FUT9: variants seen among roughly 807,000 people sequenced by gnomAD.
The protein encoded by FUT9 is fucosyltransferase 9, also known as 4-galactosyl-N-acetylglucosaminide 3-alpha-L-fucosyltransferase 9.
A neutral mutation model predicts 29.7 loss-of-function variants in FUT9; 15 were observed. That is an observed-to-expected ratio of 0.51 (90% CI 0.34 to 0.78). FUT9 has a LOEUF of 0.78. Among genes scored for constraint, FUT9 ranks in the 30% least tolerant of loss-of-function variants. FUT9 has a pLI of 0.01. For synonymous variants in FUT9, 169 were observed against 153.7 expected, an observed-to-expected ratio of 1.10 and a Z score of -0.74; for missense variants, 319 against 425.4, an observed-to-expected ratio of 0.75 and a Z score of 2.20.
chr6:96,045,117 A>G (rs1188242986), intron 1 of FUT9, among the ~76,000 whole-genome samples: 1 of 152,194 alleles, frequency 6.6e-6, no homozygotes, highest in Non-Finnish European at 1.5e-5. Flanking sequence ...TGAATCCTTC[A>G]GCAGGACAAG....
chr6:96,044,795 TTTA>T (rs1471938658), intron 1 of FUT9, among the ~76,000 whole-genome samples: 10 of 152,198 alleles, frequency 6.6e-5, no homozygotes, highest in Admixed American at 6.5e-4. Flanking sequence ...TAAGTAATCT[TTTA>T]TTATGCTAGG....
chr6:96,117,861 T>C (rs921805112), intron 2 of FUT9, among the ~76,000 whole-genome samples: 2 of 152,206 alleles, frequency 1.3e-5, no homozygotes, highest in Admixed American at 1.3e-4. Flanking sequence ...ATTATTCACA[T>C]TTAAATTCAA....
intron 2 of FUT9, among the ~76,000 whole-genome samples, chr6:96,180,342 T>C (rs1229492724): frequency 2.6e-5 from 4 of 151,996 alleles, no homozygotes; most frequent in Admixed American, 2.6e-4. Context: ...TGCCCAAAAG[T>C]TTCACAGAGA....
At chr6:96,200,052 G>A (rs1470478132) in intron 2 of FUT9, among the ~76,000 whole-genome samples, 3 of 152,112 alleles carry the variant, frequency 2.0e-5, no homozygotes, top group African/African-American at 4.8e-5. Context: ...AAAGTATTTT[G>A]TGCCATTAAC....
At chr6:96,025,634 T>C (rs1582177439) in intron 1 of FUT9, among the ~76,000 whole-genome samples, 2 of 151,736 alleles carry the variant, frequency 1.3e-5, no homozygotes, top group Non-Finnish European at 3.0e-5. Flanking sequence ...ATATGTACTA[T>C]AAGTTTCAAG....
chr6:96,064,433 T>TGTGCATTGCATAGAATG, intron 1 of FUT9, among the ~76,000 whole-genome samples: 1 of 152,090 alleles, frequency 6.6e-6, no homozygotes, highest in African/African-American at 2.4e-5. Flanking sequence ...TGTGACTGAC[T>TGTGCATTGCATAGAATG]TGCAGGTGCA....
At chr6:96,025,797 T>A (rs1770157527) in intron 1 of FUT9, among the ~76,000 whole-genome samples, 1 of 151,678 alleles carries the variant, frequency 6.6e-6, no homozygotes, top group Non-Finnish European at 1.5e-5. Context: ...GGTCTGAGAT[T>A]TTTCTCTGCT....
At chr6:96,145,982 A>G (rs575051179) in intron 2 of FUT9, among the ~76,000 whole-genome samples, 6 of 152,198 alleles carry the variant, frequency 3.9e-5, no homozygotes, top group African/African-American at 1.4e-4. Context: ...CTTCCCAAGT[A>G]TCTGGGACTA....
At chr6:96,136,466 A>G (rs1168144532) in intron 2 of FUT9, among the ~76,000 whole-genome samples, 1 of 152,016 alleles carries the variant, frequency 6.6e-6, no homozygotes, top group East Asian at 1.9e-4. Flanking sequence ...CATTATGCTT[A>G]GGTCAGATAT....
chr6:96,089,891 C>T (rs968587124), intron 1 of FUT9, among the ~76,000 whole-genome samples: 7 of 151,960 alleles, frequency 4.6e-5, no homozygotes, highest in African/African-American at 1.4e-4. Context: ...TGTATAATGA[C>T]GAATATTTGG....
intron 2 of FUT9, among the ~76,000 whole-genome samples, chr6:96,178,723 A>C (rs11156265): frequency 0.15 from 22,372 of 152,036 alleles, 1,824 homozygotes; most frequent in Non-Finnish European, 0.18. Flanking sequence ...TTTCTTTTTA[A>C]CTGAAATATA....
chr6:96,140,550 A>G (rs974783323), intron 2 of FUT9, among the ~76,000 whole-genome samples: 4 of 152,340 alleles, frequency 2.6e-5, no homozygotes, highest in Admixed American at 6.5e-5. Flanking sequence ...GGGGCAATTT[A>G]TAAAGAAAAA....
rs201310682 is a variant in FUT9, at chr6:96,101,548, T to TA, written c.-97-12481dup. Among the ~76,000 whole-genome samples the TA allele has an allele frequency of 3.6e-3, 528 of 147,334 alleles. 2 individuals are homozygous for TA. The highest frequency in any genetic ancestry group is 0.011 in the African/African-American group (460 of 40,254). Reference sequence around the variant, plus strand: ...TGGGCAAACAAGAGTGAAACTGTCTTAAAAAAAAAAGAACATAAAAATGTA... The same window carrying TA: ...TGGGCAAACAAGAGTGAAACTGTCTTAAAAAAAAAAAGAACATAAAAATGTA... On this transcript the variant is annotated intron_variant, in intron 1 of 2. Coordinates refer to ENST00000302103, the MANE Select transcript of FUT9 (RefSeq NM_006581.4).
At chr6:96,160,062 T>G (rs1168948194) in intron 2 of FUT9, among the ~76,000 whole-genome samples, 1 of 152,162 alleles carries the variant, frequency 6.6e-6, no homozygotes, top group Non-Finnish European at 1.5e-5. Context: ...CACTTGTTAG[T>G]TACATTAAGA....
chr6:96,149,122 C>T (rs1323108447), intron 2 of FUT9, among the ~76,000 whole-genome samples: 2 of 151,016 alleles, frequency 1.3e-5, no homozygotes, highest in African/African-American at 4.9e-5. Flanking sequence ...AAGATTCTGC[C>T]ACTGTACCGC....
rs527547695 is a variant in FUT9, at chr6:96,035,110, GA to G, written c.-98+18904del. Among the ~76,000 whole-genome samples the G allele has an allele frequency of 8.1e-3, 1,224 of 151,400 alleles. 13 individuals are homozygous for G. Among genetic ancestry groups the G allele is most frequent in the South Asian group, 0.012 (58 of 4,818 alleles). ...TACTAAAGAGAAGAAATCTTTATTA[GA>G]AAAAATGATATAATTACCTTCTGTA... On this transcript the variant is annotated intron_variant, in intron 1 of 2. Transcript: ENST00000302103.
chr6:96,185,074 AG>A (rs1479259331), intron 2 of FUT9, among the ~76,000 whole-genome samples: 1 of 151,976 alleles, frequency 6.6e-6, no homozygotes, highest in Admixed American at 6.6e-5. Context: ...CCCACTCCCT[AG>A]GGGAATCCCC....
At chr6:96,134,407 G>T in intron 2 of FUT9, among the ~76,000 whole-genome samples, 1 of 151,448 alleles carries the variant, frequency 6.6e-6, no homozygotes, top group Non-Finnish European at 1.5e-5. Context: ...TTCTTTGTTT[G>T]GATCATAATT....
intron 1 of FUT9, among the ~76,000 whole-genome samples, chr6:96,072,241 G>A (rs1282638346): frequency 6.6e-6 from 1 of 152,132 alleles, no homozygotes; most frequent in Non-Finnish European, 1.5e-5. Context: ...CCCAGACTCA[G>A]AACCACTACA....
Sources: gnomAD v4.1 joint callset for allele counts (sites outside exome capture counted in the v4.1 genomes callset) on GRCh38, gnomAD v4.1.1 for gene constraint, MANE v1.5 for transcripts, NCBI Gene and HGNC (gene_info 2026-07-23, HGNC 2026-07-21) for gene names.